Variants in MUC17 observed in about 807,000 individuals in gnomAD.
MUC17 encodes mucin-17.
In MUC17, 190 loss-of-function variants were observed where a neutral mutation model predicts 170.3. The observed-to-expected ratio is 1.12, with a 90% CI of 0.99 to 1.26. The LOEUF is 1.26. Among genes scored for constraint, MUC17 ranks in the 50% most tolerant of loss-of-function variants. The pLI is 0.00. For synonymous variants in MUC17, 2,325 were observed against 2,002.5 expected (o/e 1.16, Z -4.30); for missense variants, 6,415 against 5,530.0 (o/e 1.16, Z -5.08).
At chr7:101,043,846 T>A (rs756997693) in intron 3 of MUC17, 27 bp downstream of exon 3, 1 of 1,564,988 alleles carries the variant, frequency 6.4e-7, no homozygotes, top group Non-Finnish European at 8.7e-7. Context: ...ATTTTCCTTT[T>A]TTTTAAAATT....
At position 101,039,428 on chromosome 7, in the gene MUC17, G is replaced by T. The variant is rs1203021862; in HGVS notation, c.8012G>T (p.Ser2671Ile). ...CTTGTGACCACTTCCACTGGAACCA[G>T]TTCATCTCCTACAACTGCTGAAGGT... ...RTLVTTSTGTSSSPTTAEGSS... is the reference protein window; with the variant it reads ...RTLVTTSTGTISSPTTAEGSS... The change falls in exon 3 of 13, where the codon AGT (serine) becomes ATT (isoleucine). Residue 2671 changes from serine (S) to isoleucine (I), a missense_variant. Coordinates refer to ENST00000306151, the MANE Select transcript of MUC17 (RefSeq NM_001040105.2). 6.2e-7 allele frequency: 1 copy of T among 1,612,484 alleles called. No homozygotes were observed. Among genetic ancestry groups the T allele is most frequent in the Non-Finnish European group, 8.5e-7 (1 of 1,179,512 alleles).
intron 10 of MUC17, 69 bp downstream of exon 10, chr7:101,053,216 C>T: frequency 6.3e-7 from 1 of 1,589,792 alleles, no homozygotes; most frequent in Non-Finnish European, 8.6e-7. Context: ...AACCCTCTGT[C>T]TCTAATCACT....
At chr7:101,053,577 G>A (rs990773848) in intron 11 of MUC17, 141 bp downstream of exon 11, 1 of 605,006 alleles carries the variant, frequency 1.7e-6, no homozygotes, top group Non-Finnish European at 2.9e-6. Flanking sequence ...AGATCAGCCT[G>A]GGCAACAACA....
intron 1 of MUC17, among the ~76,000 whole-genome samples, chr7:101,022,684 G>GT (rs1323046729): frequency 2.0e-5 from 3 of 152,062 alleles, no homozygotes; most frequent in African/African-American, 7.2e-5. Context: ...GGAAATGGTG[G>GT]TACACGCCTG....
intron 3 of MUC17, among the ~76,000 whole-genome samples, chr7:101,047,079 T>TA (rs1794855505): frequency 4.1e-5 from 5 of 121,746 alleles, no homozygotes; most frequent in African/African-American, 1.7e-4. Context: ...AGACTCCGTC[T>TA]CAAAAAAAAA....
intron 3 of MUC17, among the ~76,000 whole-genome samples, chr7:101,045,401 CTT>C (rs373569733): frequency 2.1e-5 from 3 of 144,670 alleles, no homozygotes; most frequent in Non-Finnish European, 1.5e-5. Context: ...TTTTCTTTTT[CTT>C]TTTTTTTTTG....
intron 12 of MUC17, among the ~76,000 whole-genome samples, chr7:101,056,718 A>T (rs184032373): frequency 1.6e-4 from 25 of 152,350 alleles, no homozygotes; most frequent in Non-Finnish European, 2.9e-4. Flanking sequence ...ACATTATGAC[A>T]CTTGATCTCT....
In MUC17 at chr7:101,039,867, C is replaced by T; in HGVS notation, c.8451C>T (p.Val2817=). 2 of 1,612,532 alleles carry T rather than the reference C, an allele frequency of 1.2e-6. No individual in the cohort carries two copies. Among genetic ancestry groups the T allele is most frequent in the African/African-American group, 1.3e-5 (1 of 74,552 alleles). ...ETSTPLTSMP[V]NHTPVASSEA... ...GTACTCCATTAACTAGTATGCCTGT[C>T]AACCACACGCCAGTGGCCAGTTCTG... Residue 2817 remains valine, a synonymous_variant, in exon 3 of 13, where the codon GTC becomes GTT. Coordinates refer to ENST00000306151, the MANE Select transcript of MUC17 (RefSeq NM_001040105.2).
At position 101,033,975 on chromosome 7, in the gene MUC17, C is replaced by T. The variant is rs769846928; in HGVS notation, c.2559C>T (p.Thr853=). The stretch of plus-strand genomic sequence containing the variant: ...CATCTCCTACACCTGCTGAAGGTAC[C>T]AGCATGCCAACCTCAACTTATAGTG... ...VSSSPTPAEG[T]SMPTSTYSEG... The change falls in exon 3 of 13, where the codon ACC becomes ACT. Residue 853 remains threonine, a synonymous_variant. Coordinates refer to ENST00000306151, the MANE Select transcript of MUC17 (RefSeq NM_001040105.2). 1.9e-6 allele frequency: 3 copies of T among 1,603,220 alleles called. 1 individual carries two copies. Among genetic ancestry groups the T allele is most frequent in the South Asian group, 2.2e-5 (2 of 90,150 alleles).
chr7:101,048,995 C>A, intron 5 of MUC17, 23 bp downstream of exon 5: 1 of 1,613,992 alleles, frequency 6.2e-7, no homozygotes. Flanking sequence ...GAGCAAGGCC[C>A]CATAGCTACT....
intron 4 of MUC17, 142 bp downstream of exon 4, chr7:101,048,257 G>GTTTTT (rs1202214676): frequency 3.2e-5 from 27 of 846,188 alleles, no homozygotes; most frequent in Non-Finnish European, 4.3e-5. Context: ...GTTTTGTTTT[G>GTTTTT]TTTTGTTTCC....
At position 101,043,662 on chromosome 7, in the gene MUC17, G is replaced by A. The variant is rs201108444; in HGVS notation, c.12246G>A (p.Thr4082=). 5.5e-5 allele frequency: 89 copies of A among 1,613,756 alleles called. No homozygotes were observed. The African/African-American group carries it at 9.3e-4, about 17-fold the overall frequency. ...STPPTTSASS[T]TVNPEAVTTM... ...CTCCAACAACCTCTGCCTCCTCCAC[G>A]ACTGTGAACCCTGAGGCTGTCACCA... Residue 4082 remains threonine (T), a synonymous_variant, in exon 3 of 13, where the codon ACG becomes ACA. Coordinates refer to ENST00000306151, the MANE Select transcript of MUC17 (RefSeq NM_001040105.2).
chr7:101,043,688 C>G lies in MUC17; in HGVS notation c.12272C>G (p.Thr4091Ser). ...ACTGTGAACCCTGAGGCTGTCACCA[C>G]CATGACCACCAGGACAAAACCCAGC... ...STTVNPEAVT[T>S]MTTRTKPSTR... The change falls in exon 3 of 13, where the codon ACC (threonine) becomes AGC (serine). Residue 4091 changes from threonine to serine, a missense_variant. Physicochemically the swap from Thr to Ser is moderately conservative, Grantham distance 58. Coordinates refer to ENST00000306151, the MANE Select transcript of MUC17 (RefSeq NM_001040105.2). 1.2e-6 allele frequency: 2 copies of G among 1,614,176 alleles called. No homozygotes were observed. The highest frequency in any genetic ancestry group is 1.7e-6 in the Non-Finnish European group (2 of 1,180,036).
intron 1 of MUC17, among the ~76,000 whole-genome samples, chr7:101,030,456 C>T (rs918145549): frequency 6.6e-6 from 1 of 152,146 alleles, no homozygotes; most frequent in South Asian, 2.1e-4. Flanking sequence ...AACTCCTGAC[C>T]TCGTGATCCA....
intron 5 of MUC17, among the ~76,000 whole-genome samples, 169 bp from the exon 6 acceptor site, chr7:101,049,155 G>T (rs1794892287): frequency 6.6e-6 from 1 of 152,180 alleles, no homozygotes; most frequent in Non-Finnish European, 1.5e-5. Context: ...CCTGGGGGCT[G>T]CAGGAGGCCC....
intron 1 of MUC17, among the ~76,000 whole-genome samples, chr7:101,023,146 G>A (rs1328170780): frequency 2.6e-5 from 4 of 152,054 alleles, no homozygotes; most frequent in South Asian, 2.1e-4. Context: ...GCTGGTAGAC[G>A]CTTTGCCTCC....
chr7:101,022,816 TA>T (rs1049073814), intron 1 of MUC17, among the ~76,000 whole-genome samples: 45 of 148,626 alleles, frequency 3.0e-4, no homozygotes, highest in Non-Finnish European at 4.0e-4. Flanking sequence ...ACCCTGTCTC[TA>T]AAAAAAAAAT....
chr7:101,027,656 G>T (rs1411882769), intron 1 of MUC17, among the ~76,000 whole-genome samples: 2 of 151,772 alleles, frequency 1.3e-5, no homozygotes, highest in African/African-American at 4.8e-5. Flanking sequence ...TTGAAAATTT[G>T]GGGCCATTCT....
intron 12 of MUC17, 31 bp downstream of exon 12, chr7:101,056,301 C>A (rs1795041987): frequency 1.2e-6 from 2 of 1,611,476 alleles, no homozygotes; most frequent in Non-Finnish European, 1.7e-6. Context: ...ATGCTGGCCT[C>A]CCCCAACCCT....
Sources: gnomAD v4.1 joint callset for allele counts (sites outside exome capture counted in the v4.1 genomes callset) on GRCh38, gnomAD v4.1.1 for gene constraint, MANE v1.5 for transcripts, NCBI Gene and HGNC (gene_info 2026-07-23, HGNC 2026-07-21) for gene names.